Variants in TRPS1 observed in about 807,000 individuals in gnomAD.
TRPS1 encodes the protein transcriptional repressor GATA binding 1.
A neutral mutation model predicts 101.2 loss-of-function variants in TRPS1; 6 were observed. The observed-to-expected ratio is 0.06, with a 90% CI of 0.03 to 0.12. TRPS1 has a LOEUF of 0.12. TRPS1 is among the 10% of genes least tolerant of loss of function. TRPS1 has a pLI of 1.00. For missense variants in TRPS1, 1,363 were observed against 1,567.0 expected (o/e 0.87, Z 2.20); for synonymous variants, 578 against 589.8 (o/e 0.98, Z 0.29).
chr8:115,579,270 T>C (rs10505256), intron 5 of TRPS1, among the ~76,000 whole-genome samples: 44,451 of 151,922 alleles, frequency 0.29, 7,621 homozygotes, highest in Middle Eastern at 0.5. Context: ...TACAATTGTT[T>C]TAAAGTAGTT....
chr8:115,654,150 A>G (rs1811627301), intron 1 of TRPS1, among the ~76,000 whole-genome samples: 1 of 152,256 alleles, frequency 6.6e-6, no homozygotes, highest in South Asian at 2.1e-4. Flanking sequence ...CCAACAAAGT[A>G]TGATTAAAAT....
At chr8:115,537,944 A>C (rs1428234772) in intron 5 of TRPS1, among the ~76,000 whole-genome samples, 1 of 152,206 alleles carries the variant, frequency 6.6e-6, no homozygotes, top group African/African-American at 2.4e-5. Context: ...ATGAACCACA[A>C]GATACATCAC....
rs1486568358 is a variant in TRPS1, at chr8:115,408,818, T to C, written c.*5205A>G. ...ATTTTACATTGGCATTTTGAGATGT[T>C]CCCCCCTCATGCCTCCCCCAAAGTT... On this transcript the variant is annotated 3_prime_UTR_variant, in exon 7 of 7. Transcript: ENST00000395715. The C allele has an allele frequency of 6.6e-6, 1 of 152,126 alleles. No homozygotes were observed. The highest frequency in any genetic ancestry group is 2.4e-5 in the African/African-American group (1 of 41,300). 9.4% of individuals were successfully genotyped at this position (152,126 alleles called of 1,614,324 possible). A position where few individuals can be genotyped will look rare whatever the true frequency, so the allele number is the denominator to read the frequency against.
intron 5 of TRPS1, among the ~76,000 whole-genome samples, chr8:115,501,822 T>A (rs1182637441): frequency 6.6e-6 from 1 of 152,142 alleles, no homozygotes; most frequent in Non-Finnish European, 1.5e-5. Context: ...CTATCCTACT[T>A]CTCTAAATCC....
At chr8:115,590,108 C>T (rs377496300) in intron 4 of TRPS1, among the ~76,000 whole-genome samples, 1 of 152,032 alleles carries the variant, frequency 6.6e-6, no homozygotes, top group South Asian at 2.1e-4. Context: ...CAGAGCGAGA[C>T]GCCATCTCAA....
At chr8:115,592,445 T>A (rs1817697110) in intron 4 of TRPS1, among the ~76,000 whole-genome samples, 1 of 152,098 alleles carries the variant, frequency 6.6e-6, no homozygotes, top group Non-Finnish European at 1.5e-5. Context: ...CTTACTACTA[T>A]TAATGAAAAA....
chr8:115,604,886 G>A lies in TRPS1; in HGVS notation c.1083C>T (p.Thr361=), dbSNP rs143724802. The A allele has an allele frequency of 7.3e-4, 1,172 of 1,613,998 alleles. No homozygotes were observed. The highest frequency in any genetic ancestry group is 8.1e-4 in the Non-Finnish European group (957 of 1,179,962). Residue 361 remains threonine, a synonymous_variant, in exon 4 of 7, where the codon ACC becomes ACT. Transcript: ENST00000395715. The surrounding 1 kb of genome is among the most constrained non-coding windows in gnomAD (Gnocchi z 4.1). ...CNFTYMGNSS[T]ELEQHFLQTH... ...TCTGAAGAAAATGTTGTTCTAATTC[G>A]GTGGATGAGTTGCCCATATAAGTGA... is the stretch of plus-strand genomic sequence containing the variant.
chr8:115,587,100 C>T lies in TRPS1; in HGVS notation c.2601G>A (p.Gln867=). 1 of 1,614,148 alleles carries T rather than the reference C, an allele frequency of 6.2e-7. No individual in the cohort carries two copies. Residue 867 remains glutamine (Q), a synonymous_variant, in exon 5 of 7, where the codon CAG becomes CAA. Transcript: ENST00000395715. ...GLAVETKGFL[Q]GAPAGGEKSG... The stretch of plus-strand genomic sequence containing the variant: ...ACTTCTCTCCGCCAGCTGGCGCCCC[C>T]TGCAGGAATCCCTTGGTTTCCACAG...
chr8:115,611,461 G>A (rs1818161919), intron 3 of TRPS1, among the ~76,000 whole-genome samples: 1 of 152,320 alleles, frequency 6.6e-6, no homozygotes, highest in Non-Finnish European at 1.5e-5. Context: ...CATGTCTATG[G>A]TTTAGCACAA....
At chr8:115,551,317 T>G (rs1816698981) in intron 5 of TRPS1, among the ~76,000 whole-genome samples, 1 of 152,248 alleles carries the variant, frequency 6.6e-6, no homozygotes, top group South Asian at 2.1e-4. Context: ...ATTGAGTTTC[T>G]GTATCATTCC....
At chr8:115,539,803 A>G (rs550951873) in intron 5 of TRPS1, among the ~76,000 whole-genome samples, 1 of 152,314 alleles carries the variant, frequency 6.6e-6, no homozygotes, top group South Asian at 2.1e-4. Context: ...GGTTGCAATG[A>G]GCTGAGATCC....
At chr8:115,642,853 T>C (rs372354146) in intron 1 of TRPS1, among the ~76,000 whole-genome samples, 5 of 110,534 alleles carry the variant, frequency 4.5e-5, no homozygotes, top group Non-Finnish European at 9.4e-5. Context: ...AAAAAAAATA[T>C]ATATATATAT....
chr8:115,435,700 A>G (rs1432676464), intron 5 of TRPS1, among the ~76,000 whole-genome samples: 2 of 152,132 alleles, frequency 1.3e-5, no homozygotes, highest in Non-Finnish European at 2.9e-5. Context: ...AGTTACTACA[A>G]TGTTCTTTCC....
chr8:115,504,808 T>C (rs1345669620), intron 5 of TRPS1, among the ~76,000 whole-genome samples: 1 of 152,176 alleles, frequency 6.6e-6, no homozygotes. Context: ...ATTCTGTAAC[T>C]AGCTAGTTAA....
At chr8:115,529,099 A>G (rs1816069195) in intron 5 of TRPS1, among the ~76,000 whole-genome samples, 1 of 152,102 alleles carries the variant, frequency 6.6e-6, no homozygotes, top group African/African-American at 2.4e-5. Context: ...GCAGTGACAC[A>G]GGGAATATAA....
intron 5 of TRPS1, among the ~76,000 whole-genome samples, chr8:115,579,656 T>C (rs933989797): frequency 1.3e-5 from 2 of 152,134 alleles, no homozygotes; most frequent in African/African-American, 2.4e-5. Context: ...GTATTTTGCC[T>C]TTAAAAATAG....
At chr8:115,456,638 T>C (rs754757510) in intron 5 of TRPS1, among the ~76,000 whole-genome samples, 1 of 152,080 alleles carries the variant, frequency 6.6e-6, no homozygotes, top group Non-Finnish European at 1.5e-5. Context: ...ATTGGAAAAA[T>C]TTCTGGACTA....
rs150216384 is a variant in TRPS1 at position 115,484,618 on chromosome 8, A to G, written c.2701-66166T>C. Among the ~76,000 whole-genome samples the G allele has an allele frequency of 2.0e-5, 3 of 152,310 alleles. No individual in the cohort carries two copies. In the East Asian group the frequency reaches 5.8e-4, roughly 29 times the overall value. On this transcript the variant is annotated intron_variant, in intron 5 of 6. Transcript: ENST00000395715. The stretch of plus-strand genomic sequence containing the variant: ...TAAAAGTATTCTTTCTGAGAAGGTC[A>G]GCTTCATCTAAAAGAGCTTCAAAAA...
intron 5 of TRPS1, among the ~76,000 whole-genome samples, chr8:115,508,686 T>C (rs954034902): frequency 1.3e-5 from 2 of 151,978 alleles, no homozygotes; most frequent in Non-Finnish European, 2.9e-5. Context: ...TTGGCTGCAT[T>C]TCCTTCTAAA....
Sources: allele counts gnomAD v4.1 joint callset (sites outside exome capture counted in the v4.1 genomes callset), GRCh38; gene constraint gnomAD v4.1.1; non-coding constraint Gnocchi (gnomAD v3.1); transcripts MANE v1.5; gene names NCBI Gene and HGNC (gene_info 2026-07-23, HGNC 2026-07-21).